Variants in ERC1 observed in about 807,000 individuals in gnomAD.
ERC1 encodes the protein RAB6 interacting protein 2.
ERC1 carries 56 observed loss-of-function variants against 132.0 expected under a neutral mutation model. The ratio of observed to expected loss-of-function variants is 0.42; its 90% CI spans 0.34 to 0.53. The LOEUF (loss-of-function observed/expected upper bound fraction) is 0.53, where lower values mean the gene tolerates loss of function less well. Ranked by LOEUF, ERC1 falls within the 20% of genes least tolerant of loss-of-function variation. The pLI is 0.03. For missense variants in ERC1, 1,202 were observed against 1,349.9 expected (o/e 0.89, Z 1.72); for synonymous variants, 478 against 476.1 (o/e 1.00, Z -0.05).
intron 8 of ERC1, among the ~76,000 whole-genome samples, chr12:1,162,035 T>C (rs1951928858): frequency 6.6e-6 from 1 of 152,222 alleles, no homozygotes; most frequent in African/African-American, 2.4e-5. Context: ...AGTCACATAC[T>C]GTGGACTGTC....
chr12:1,282,460 T>C (rs1566476795), intron 14 of ERC1, among the ~76,000 whole-genome samples: 1 of 152,206 alleles, frequency 6.6e-6, no homozygotes, highest in Non-Finnish European at 1.5e-5. Flanking sequence ...GCAATAACTA[T>C]AGTTATTCCA....
At chr12:994,484 T>C (rs1399310143) in intron 1 of ERC1, among the ~76,000 whole-genome samples, 1 of 152,216 alleles carries the variant, frequency 6.6e-6, no homozygotes, top group Non-Finnish European at 1.5e-5. Flanking sequence ...ATGTTGTTTA[T>C]TTCCTAACCT....
chr12:1,488,276 G>A (rs1261166324), intron 18 of ERC1, among the ~76,000 whole-genome samples: 3 of 151,822 alleles, frequency 2.0e-5, no homozygotes, highest in South Asian at 2.1e-4. Flanking sequence ...ACCACTGTAC[G>A]CAGCTCCCTT....
intron 12 of ERC1, among the ~76,000 whole-genome samples, chr12:1,229,132 T>C (rs904703202): frequency 1.3e-5 from 2 of 152,216 alleles, no homozygotes; most frequent in Non-Finnish European, 2.9e-5. Context: ...TATGAAGCCA[T>C]CTGGTCCTCA....
At chr12:1,416,017 ACAGACTCCAGACCCCC>A (rs2092102738) in intron 17 of ERC1, among the ~76,000 whole-genome samples, 1 of 152,246 alleles carries the variant, frequency 6.6e-6, no homozygotes, top group Admixed American at 6.5e-5. Context: ...TAAACCCAGG[ACAGACTCCAGACCCCC>A]TGCTGTCTCC....
chr12:991,492 G>A (rs556450936), intron 1 of ERC1, 170 bp downstream of exon 1: 1 of 152,332 alleles, frequency 6.6e-6, no homozygotes, highest in African/African-American at 2.4e-5. Flanking sequence ...CTGTAGGTGA[G>A]GCTTCGCGAC....
intron 1 of ERC1, among the ~76,000 whole-genome samples, chr12:1,020,259 C>A (rs1456276737): frequency 6.6e-6 from 1 of 152,140 alleles, no homozygotes; most frequent in African/African-American, 2.4e-5. Context: ...GAGTTTGAGA[C>A]CAGCCTGGCC....
chr12:1,451,706 T>G (rs1473489269), intron 18 of ERC1, among the ~76,000 whole-genome samples: 3 of 152,196 alleles, frequency 2.0e-5, no homozygotes, highest in Non-Finnish European at 2.9e-5. Context: ...TGCTGGTAAT[T>G]AATTCTATGT....
intron 18 of ERC1, among the ~76,000 whole-genome samples, chr12:1,469,324 G>A (rs2093809875): frequency 6.6e-6 from 1 of 152,210 alleles, no homozygotes; most frequent in African/African-American, 2.4e-5. Context: ...CATGGGAGTA[G>A]CTGGGGCAGC....
At chr12:1,096,582 C>G (rs752788746) in intron 3 of ERC1, among the ~76,000 whole-genome samples, 1 of 152,132 alleles carries the variant, frequency 6.6e-6, no homozygotes, top group Non-Finnish European at 1.5e-5. Context: ...ACAAACTAGG[C>G]TGGGAGGAGG....
chr12:1,341,058 C>CT (rs1555366851), intron 15 of ERC1, among the ~76,000 whole-genome samples: 1 of 54,240 alleles, frequency 1.8e-5, no homozygotes, highest in Non-Finnish European at 3.8e-5. Context: ...TCCACTTATT[C>CT]TTTTCTTTTT....
intron 15 of ERC1, among the ~76,000 whole-genome samples, chr12:1,332,457 C>T (rs753377135): frequency 2.0e-5 from 3 of 152,006 alleles, no homozygotes; most frequent in Non-Finnish European, 2.9e-5. Flanking sequence ...CTTCATTGTC[C>T]CTTCATGTTT....
At position 991,244 on chromosome 12, in the gene ERC1, T is replaced by TGGCGGCGGCGGCGGCGGTAGTGGC; in HGVS notation, c.-223_-200dup. 7.7e-6 allele frequency: 1 copy of TGGCGGCGGCGGCGGCGGTAGTGGC among 129,164 alleles called. No homozygotes were observed. 8.0% of individuals were successfully genotyped at this position (129,164 alleles called of 1,614,324 possible). On this transcript the variant is annotated 5_prime_UTR_variant, in exon 1 of 19. Transcript: ENST00000360905. ...CGTCGCGGGCGCCTGGGCCGTGCTG[T>TGGCGGCGGCGGCGGCGGTAGTGGC]GGCGGCGGCGGCGGCGGTAGTGGCG...
intron 1 of ERC1, among the ~76,000 whole-genome samples, chr12:1,015,336 A>C (rs574312550): frequency 6.6e-6 from 1 of 151,008 alleles, no homozygotes; most frequent in East Asian, 2.0e-4. Context: ...TGGGATTACA[A>C]GTATGAGCCA....
chr12:1,288,653 AG>A (rs1277287790), intron 14 of ERC1, among the ~76,000 whole-genome samples: 7 of 152,182 alleles, frequency 4.6e-5, no homozygotes, highest in African/African-American at 1.7e-4. Context: ...TTTTGACTCT[AG>A]GTTTCTCTGT....
intron 2 of ERC1, among the ~76,000 whole-genome samples, chr12:1,053,496 T>G (rs1972404274): frequency 2.6e-5 from 4 of 152,208 alleles, no homozygotes; most frequent in Admixed American, 2.6e-4. Flanking sequence ...CTAGCTTCTA[T>G]AAATCCTCCT....
intron 5 of ERC1, among the ~76,000 whole-genome samples, chr12:1,110,602 A>G (rs1334756407): frequency 6.6e-6 from 1 of 152,208 alleles, no homozygotes; most frequent in East Asian, 1.9e-4. Context: ...GTCATGGTTT[A>G]AGTTTTCATA....
chr12:1,098,737 G>A (rs1944337899), intron 3 of ERC1, among the ~76,000 whole-genome samples: 1 of 152,232 alleles, frequency 6.6e-6, no homozygotes, highest in South Asian at 2.1e-4. Context: ...GCAGTTGGAT[G>A]TATGAGTCCT....
At chr12:1,007,538 CTCTG>C (rs1305745778) in intron 1 of ERC1, among the ~76,000 whole-genome samples, 10 of 53,364 alleles carry the variant, frequency 1.9e-4, no homozygotes, top group African/African-American at 6.0e-4. Flanking sequence ...CTCTCTCTCT[CTCTG>C]TGTGTGTGTG....
Sources: allele counts gnomAD v4.1 joint callset (sites outside exome capture counted in the v4.1 genomes callset), GRCh38; gene constraint gnomAD v4.1.1; transcripts MANE v1.5; gene names NCBI Gene and HGNC (gene_info 2026-07-23, HGNC 2026-07-21).